EML6: variants seen among roughly 807,000 people sequenced by gnomAD.
EML6 encodes EMAP like 6, also known as echinoderm microtubule-associated protein-like 6.
In EML6, 154 loss-of-function variants were observed where a neutral mutation model predicts 240.1. That is an observed-to-expected ratio of 0.64 (90% CI 0.56 to 0.73). The LOEUF (loss-of-function observed/expected upper bound fraction) is 0.73. EML6 is among the 30% of genes least tolerant of loss of function. EML6 has a pLI of 0.00. For synonymous variants in EML6, 1,148 were observed against 899.0 expected (o/e 1.28, Z -4.95); for missense variants, 2,964 against 2,474.6 (o/e 1.20, Z -4.20).
chr2:54,750,804 G>A (rs1481737824), intron 2 of EML6, among the ~76,000 whole-genome samples: 1 of 152,102 alleles, frequency 6.6e-6, no homozygotes. Flanking sequence ...GGCCTTGCCT[G>A]GGTAATGTGA....
chr2:54,842,672 C>G (rs558372463), intron 7 of EML6, among the ~76,000 whole-genome samples: 2 of 152,176 alleles, frequency 1.3e-5, no homozygotes, highest in Non-Finnish European at 2.9e-5. Flanking sequence ...TTCTGTATTT[C>G]TAATTCGGAT....
intron 10 of EML6, among the ~76,000 whole-genome samples, chr2:54,853,339 C>G (rs1304047125): frequency 6.6e-6 from 1 of 152,088 alleles, no homozygotes; most frequent in East Asian, 1.9e-4. Context: ...TTTTTTGATA[C>G]ATTCATGTGT....
intron 26 of EML6, among the ~76,000 whole-genome samples, chr2:54,918,246 C>T (rs752674965): frequency 1.7e-4 from 26 of 152,138 alleles, no homozygotes; most frequent in Non-Finnish European, 1.6e-4. Context: ...TTCACAATCC[C>T]GAGTTCTAAA....
chr2:54,899,698 G>A lies in EML6; in HGVS notation c.3040G>A (p.Ala1014Thr), dbSNP rs1437878922. ...AGCTCACCCTCTCCTGCCCATCTGT[G>A]CAACAGTGAGCGATGATAAAACACT... The part of the protein sequence containing the change: ...LAAHPLLPIC[A>T]TVSDDKTLRI... The change falls in exon 22 of 42, where the codon GCA (alanine) becomes ACA (threonine). Residue 1014 changes from alanine to threonine, a missense_variant. Physicochemically the swap from Ala to Thr is moderately conservative, Grantham distance 58. Transcript: ENST00000356458. 1.3e-6 allele frequency: 2 copies of A among 1,553,078 alleles called. No individual in the cohort carries two copies. Among genetic ancestry groups the A allele is most frequent in the African/African-American group, 1.4e-5 (1 of 73,074 alleles).
At chr2:54,817,634 T>C (rs1011308307) in intron 4 of EML6, among the ~76,000 whole-genome samples, 13 of 152,170 alleles carry the variant, frequency 8.5e-5, no homozygotes, top group African/African-American at 3.1e-4. Flanking sequence ...CCAACACTAA[T>C]GATAGCTGAT....
chr2:54,823,429 G>T (rs1286747601), intron 5 of EML6, among the ~76,000 whole-genome samples: 1 of 148,638 alleles, frequency 6.7e-6, no homozygotes, highest in Non-Finnish European at 1.5e-5. Context: ...GATTACCAAT[G>T]TTTTCATCAC....
At chr2:54,913,970 G>T (rs1026009856) in intron 25 of EML6, among the ~76,000 whole-genome samples, 1 of 152,134 alleles carries the variant, frequency 6.6e-6, no homozygotes, top group African/African-American at 2.4e-5. Flanking sequence ...CTGGCTACAG[G>T]TGTGCAGCTT....
Position 54,903,375 on chromosome 2 carries a change from G to A in EML6, c.3282G>A (p.Thr1094=), listed in dbSNP as rs989039956. The A allele has an allele frequency of 1.9e-5, 29 of 1,550,948 alleles. No homozygotes were observed. The East Asian group carries it at 2.7e-4, about 14-fold the overall frequency. The change falls in exon 24 of 42, where the codon ACG becomes ACA. Residue 1094 remains threonine (T), a synonymous_variant. Coordinates refer to ENST00000356458, the MANE Select transcript of EML6 (RefSeq NM_001039753.4). ...ACCCCACATTTTTCTTAACAGATAC[G>A]GGAAAATACCTTGCCGTGGCATCCC... ...MISDIKFSKD[T]GKYLAVASHD... is the part of the protein sequence containing the mutation.
rs771042246 is a variant in EML6, at chr2:54,869,225, C to A, written c.2096C>A (p.Ala699Asp). The A allele has an allele frequency of 1.9e-6, 3 of 1,551,748 alleles. No homozygotes were observed. Among genetic ancestry groups the A allele is most frequent in the South Asian group, 2.4e-5 (2 of 84,044 alleles). The stretch of plus-strand genomic sequence containing the variant: ...AGAAACAATCTGTTCTACACACAAG[C>A]TGGAGAAGTAGTCTACCACATTGCT... ...DCRNNLFYTQ[A>D]GEVVYHIAAV... Residue 699 changes from alanine (A) to aspartate (D), a missense_variant, in exon 15 of 42, where the codon GCT becomes GAT. By Grantham distance (126) the Ala-to-Asp change is moderately radical. Transcript: ENST00000356458.
chr2:54,945,416 T>G (rs1453988364), intron 28 of EML6, among the ~76,000 whole-genome samples: 1 of 151,842 alleles, frequency 6.6e-6, no homozygotes, highest in African/African-American at 2.4e-5. Flanking sequence ...GAACATTGTC[T>G]GATGAACACG....
At chr2:54,768,167 C>CTT (rs34531064) in intron 2 of EML6, among the ~76,000 whole-genome samples, 1 of 146,868 alleles carries the variant, frequency 6.8e-6, no homozygotes, top group Non-Finnish European at 1.5e-5. Context: ...ATCAGAAAAA[C>CTT]TTTTTTTTTT....
chr2:54,968,479 A>T (rs1259330889), intron 40 of EML6, among the ~76,000 whole-genome samples, 189 bp from the exon 41 acceptor site: 1 of 152,172 alleles, frequency 6.6e-6, no homozygotes. Context: ...GGATAAAATG[A>T]CCTGAAGTGG....
chr2:54,934,854 A>G (rs904855967), intron 28 of EML6, among the ~76,000 whole-genome samples: 2 of 152,202 alleles, frequency 1.3e-5, no homozygotes, highest in Non-Finnish European at 2.9e-5. Flanking sequence ...CCCAGCTCAA[A>G]AAATATATTT....
At chr2:54,877,524 G>C (rs558086715) in intron 16 of EML6, among the ~76,000 whole-genome samples, 4 of 152,260 alleles carry the variant, frequency 2.6e-5, no homozygotes, top group African/African-American at 9.6e-5. Flanking sequence ...ATCAAGTGCA[G>C]AGGCATGCCA....
At chr2:54,874,982 G>C (rs142578412) in intron 16 of EML6, among the ~76,000 whole-genome samples, 130 of 152,278 alleles carry the variant, frequency 8.5e-4, no homozygotes, top group Middle Eastern at 6.8e-3. Context: ...CATGCCAGGA[G>C]TTCTCCTAGG....
intron 25 of EML6, among the ~76,000 whole-genome samples, chr2:54,911,946 T>A (rs1422002458): frequency 6.6e-6 from 1 of 152,190 alleles, no homozygotes; most frequent in Non-Finnish European, 1.5e-5. Flanking sequence ...TCTTTCAGGG[T>A]GTACACATAA....
Position 54,850,046 on chromosome 2 carries a change from A to G in EML6, c.1272A>G (p.Ala424=). ...TTTCTCCAGATGGTTCTTACCTTGCAGTGGGATCCAATGATGGCCCAGTAG... is the reference window on the plus strand; with the variant it reads ...TTTCTCCAGATGGTTCTTACCTTGCGGTGGGATCCAATGATGGCCCAGTAG... The part of the protein sequence containing the change: ...MKFSPDGSYL[A]VGSNDGPVDV... The change falls in exon 10 of 42, where the codon GCA becomes GCG. Residue 424 remains alanine, a synonymous_variant. Coordinates refer to ENST00000356458, the MANE Select transcript of EML6 (RefSeq NM_001039753.4). 6.4e-7 allele frequency: 1 copy of G among 1,552,034 alleles called. No homozygotes were observed.
At position 54,825,790 on chromosome 2, in the gene EML6, G is replaced by T. The variant is rs113746430; in HGVS notation, c.526-1776G>T. Reference sequence around the variant, plus strand: ...TGCCTGAATCCTGGCCACCTTGGGGGTATAGCCATCCCAGAACTGTTTCCT... The same window carrying T: ...TGCCTGAATCCTGGCCACCTTGGGGTTATAGCCATCCCAGAACTGTTTCCT... On this transcript the variant is annotated intron_variant, in intron 5 of 41. Coordinates refer to ENST00000356458, the MANE Select transcript of EML6 (RefSeq NM_001039753.4). Among the ~76,000 whole-genome samples, 58 of 152,200 alleles carry T rather than the reference G, an allele frequency of 3.8e-4. 1 individual carries two copies. Among genetic ancestry groups the T allele is most frequent in the African/African-American group, 1.3e-3 (52 of 41,504 alleles).
chr2:54,840,183 T>C (rs745528840), intron 7 of EML6, among the ~76,000 whole-genome samples: 7 of 152,224 alleles, frequency 4.6e-5, no homozygotes, highest in Non-Finnish European at 1.0e-4. Context: ...TTCAAGTCAT[T>C]TGGCCTTGAG....
Sources: allele counts gnomAD v4.1 joint callset (sites outside exome capture counted in the v4.1 genomes callset), GRCh38; gene constraint gnomAD v4.1.1; transcripts MANE v1.5; gene names NCBI Gene and HGNC (gene_info 2026-07-23, HGNC 2026-07-21).